PCDHGA10: variants seen among roughly 807,000 people sequenced by gnomAD.
PCDHGA10 encodes protocadherin gamma subfamily A, 10.
A neutral mutation model predicts 59.5 loss-of-function variants in PCDHGA10; 42 were observed. The ratio of observed to expected loss-of-function variants is 0.71; its 90% confidence interval spans 0.55 to 0.91. The LOEUF (loss-of-function observed/expected upper bound fraction) is 0.91, where lower values mean the gene tolerates loss of function less well. Among genes scored for constraint, PCDHGA10 ranks in the 40% least tolerant of loss-of-function variants. The probability of loss-of-function intolerance (pLI) is 0.00; values close to 1 mark genes in which losing one functional copy is unlikely to be tolerated. For synonymous variants in PCDHGA10, 511 were observed against 517.2 expected, an observed-to-expected ratio of 0.99 and a Z score of 0.16; for missense variants, 1,111 against 1,198.2, an observed-to-expected ratio of 0.93 and a Z score of 1.07.
intron 1 of PCDHGA10, among the ~76,000 whole-genome samples, chr5:141,442,784 A>C (rs1267270442): frequency 2.0e-5 from 3 of 152,212 alleles, no homozygotes; most frequent in Non-Finnish European, 4.4e-5. Flanking sequence ...ATTATATTTT[A>C]TAATTTTACT....
At chr5:141,503,607 A>G (rs141670522) in intron 2 of PCDHGA10, among the ~76,000 whole-genome samples, 63 of 151,996 alleles carry the variant, frequency 4.1e-4, no homozygotes, top group African/African-American at 1.4e-3. Flanking sequence ...TCAAAAAAAA[A>G]AAAAAAAGAA....
intron 1 of PCDHGA10, chr5:141,423,189 T>A (rs2096719374): frequency 1.2e-6 from 2 of 1,613,562 alleles, no homozygotes; most frequent in Non-Finnish European, 8.5e-7. Flanking sequence ...GCCAGCCCCC[T>A]CTCTCGGCCA....
chr5:141,495,005 CG>C (rs2099758180), intron 2 of PCDHGA10, 140 bp downstream of exon 2: 2 of 1,522,694 alleles, frequency 1.3e-6, no homozygotes, highest in African/African-American at 1.4e-5. Context: ...TCTTGGTGTG[CG>C]GGGGGCTGGC....
chr5:141,430,655 G>C (rs1309165721), intron 1 of PCDHGA10: 2 of 1,085,056 alleles, frequency 1.8e-6, no homozygotes, highest in Non-Finnish European at 2.6e-6. Flanking sequence ...TGGAAACAAC[G>C]GAGGAGCTCT....
intron 1 of PCDHGA10, chr5:141,428,594 G>T (rs1317075888): frequency 4.4e-6 from 1 of 227,916 alleles, no homozygotes; most frequent in Admixed American, 5.2e-5. Context: ...CTGGTAGCAA[G>T]CTTCACTGAA....
At position 141,497,540 on chromosome 5, in the gene PCDHGA10, C is replaced by CT. The variant is rs754207034; in HGVS notation, c.2495+2693dup. On this transcript the variant is annotated intron_variant, in intron 2 of 3. Transcript: ENST00000398610. Reference sequence around the variant, plus strand: ...TTAACTTGTGGAGGATGCAACAAACCTTTTTTTTTTTTTTTTTTAGACAGA... The same window carrying CT: ...TTAACTTGTGGAGGATGCAACAAACCTTTTTTTTTTTTTTTTTTTAGACAGA... Among the ~76,000 whole-genome samples, 618 of 134,908 alleles carry CT rather than the reference C, an allele frequency of 4.6e-3. 3 individuals carry two copies. The highest frequency in any genetic ancestry group is 0.012 in the African/African-American group (419 of 35,974). 88.5% of individuals were successfully genotyped at this position (134,908 alleles called of 152,430 possible). A position where few individuals can be genotyped will look rare whatever the true frequency, so the allele number is the denominator to read the frequency against.
At chr5:141,418,171 G>A (rs2096234086) in intron 1 of PCDHGA10, 1 of 1,613,952 alleles carries the variant, frequency 6.2e-7, no homozygotes, top group African/African-American at 1.3e-5. Flanking sequence ...GATGTGAGTT[G>A]CAATTGGAAG....
chr5:141,414,230 C>T lies in PCDHGA10; in HGVS notation c.1055C>T (p.Thr352Ile). The stretch of plus-strand genomic sequence containing the variant: ...GTAAATGACAACAGTCCAGAGCTGA[C>T]CATCACGTCTCTATTTAGTCCAGTG... ...EDVNDNSPEL[T>I]ITSLFSPVTE... The change falls in exon 1 of 4, where the codon ACC becomes ATC. Residue 352 changes from threonine (T) to isoleucine (I), a missense_variant. Physicochemically the swap from Thr to Ile is moderately conservative, Grantham distance 89. Coordinates refer to ENST00000398610, the MANE Select transcript of PCDHGA10 (RefSeq NM_018913.3). 3.1e-6 allele frequency: 5 copies of T among 1,613,308 alleles called. No individual in the cohort carries two copies. The highest frequency in any genetic ancestry group is 4.2e-6 in the Non-Finnish European group (5 of 1,179,692).
intron 1 of PCDHGA10, chr5:141,418,432 T>C (rs954268296): frequency 1.9e-6 from 3 of 1,613,838 alleles, no homozygotes; most frequent in African/African-American, 1.3e-5. Context: ...GTGGCAAATA[T>C]CCAGAATTAG....
chr5:141,443,243 C>T (rs755331096), intron 1 of PCDHGA10, among the ~76,000 whole-genome samples: 9 of 151,618 alleles, frequency 5.9e-5, no homozygotes, highest in Non-Finnish European at 1.0e-4. Flanking sequence ...CACTTTGGGG[C>T]GCCAAGGCGG....
At position 141,487,991 on chromosome 5, in the gene PCDHGA10, G is replaced by C. The variant is rs932744807; in HGVS notation, c.2437-6816G>C. ...GCTGTTTTCTCTACTCTTCCTGAAA[G>C]AGGGGATCAGATTCTGAAGTACCTT... On this transcript the variant is annotated intron_variant, in intron 1 of 3. Coordinates refer to ENST00000398610, the MANE Select transcript of PCDHGA10 (RefSeq NM_018913.3). The surrounding 1 kb of genome is among the most constrained non-coding windows in gnomAD (Gnocchi z 5.0). 2.6e-5 allele frequency among the ~76,000 whole-genome samples: 4 copies of C among 152,194 alleles called. No homozygotes were observed. The highest frequency in any genetic ancestry group is 4.4e-5 in the Non-Finnish European group (3 of 68,030).
At position 141,493,887 on chromosome 5, in the gene PCDHGA10, G is replaced by C. The variant is rs760575047; in HGVS notation, c.2437-920G>C. On this transcript the variant is annotated intron_variant, in intron 1 of 3. Transcript: ENST00000398610. This position sits in a 1 kb window ranked among gnomAD's most constrained non-coding sequence, Gnocchi z 4.3. Reference sequence around the variant, plus strand: ...AGAACCAGTGAGGAGGTGGCTCTAGGAGTGCTCCATGAGAGTGTGTGATGG... The same window carrying C: ...AGAACCAGTGAGGAGGTGGCTCTAGCAGTGCTCCATGAGAGTGTGTGATGG... Among the ~76,000 whole-genome samples, 11 of 152,184 alleles carry C rather than the reference G, an allele frequency of 7.2e-5. No homozygotes were observed. Among genetic ancestry groups the C allele is most frequent in the Non-Finnish European group, 1.2e-4 (8 of 68,026 alleles).
chr5:141,487,751 G>A lies in PCDHGA10; in HGVS notation c.2437-7056G>A. ...CACCATTTTTGTAAGAGGTAACTAT[G>A]TGGTAGACGCTGTGCTTTGTAACTG... On this transcript the variant is annotated intron_variant, in intron 1 of 3. Coordinates refer to ENST00000398610, the MANE Select transcript of PCDHGA10 (RefSeq NM_018913.3). This position sits in a 1 kb window ranked among gnomAD's most constrained non-coding sequence, Gnocchi z 5.0. 1 of 1,555,004 alleles carries A rather than the reference G, an allele frequency of 6.4e-7. No homozygotes were observed.
At position 141,415,157 on chromosome 5, in the gene PCDHGA10, C is replaced by T; in HGVS notation, c.1982C>T (p.Thr661Ile). Reference protein sequence around the residue: ...QDHGQPPLSATVTLTVAVADS... With the variant: ...QDHGQPPLSAIVTLTVAVADS... ...CACGGCCAGCCCCCTCTCTCCGCCACTGTCACGCTCACCGTGGCCGTGGCC... is the reference window on the plus strand; with the variant it reads ...CACGGCCAGCCCCCTCTCTCCGCCATTGTCACGCTCACCGTGGCCGTGGCC... The change falls in exon 1 of 4, where the codon ACT (threonine) becomes ATT (isoleucine). Residue 661 changes from threonine to isoleucine, a missense_variant. Thr to Ile is a moderately conservative substitution (Grantham distance 89). Transcript: ENST00000398610. 1 of 1,613,864 alleles carries T rather than the reference C, an allele frequency of 6.2e-7. No homozygotes were observed. The highest frequency in any genetic ancestry group is 8.5e-7 in the Non-Finnish European group (1 of 1,180,018).
rs909444391 is a variant in PCDHGA10 at position 141,450,834 on chromosome 5, T to A, written c.2436+35223T>A. On this transcript the variant is annotated intron_variant, in intron 1 of 3. Transcript: ENST00000398610. ...TATTTAATATTATTATTATTATTTT[T>A]TTTTTTTTGAGATGGGGTCTTGCTC... is the stretch of plus-strand genomic sequence containing the variant. 1.2e-3 allele frequency among the ~76,000 whole-genome samples: 172 copies of A among 148,764 alleles called. 3 individuals are homozygous for A. The highest frequency in any genetic ancestry group is 4.1e-3 in the African/African-American group (166 of 40,236).
chr5:141,451,256 A>T (rs376288655), intron 1 of PCDHGA10, among the ~76,000 whole-genome samples: 1 of 152,212 alleles, frequency 6.6e-6, no homozygotes, highest in African/African-American at 2.4e-5. Context: ...GTGGATCAGG[A>T]CTGGGTATAG....
At chr5:141,469,790 T>G (rs956670031) in intron 1 of PCDHGA10, among the ~76,000 whole-genome samples, 2 of 152,224 alleles carry the variant, frequency 1.3e-5, no homozygotes, top group African/African-American at 4.8e-5. Context: ...GCGTTATTTG[T>G]AATTGCAAAA....
chr5:141,414,330 G>T lies in PCDHGA10; in HGVS notation c.1155G>T (p.Gln385His). 6.2e-7 allele frequency: 1 copy of T among 1,613,714 alleles called. No homozygotes were observed. The highest frequency in any genetic ancestry group is 8.5e-7 in the Non-Finnish European group (1 of 1,179,744). Residue 385 changes from glutamine to histidine, a missense_variant, in exon 1 of 4, where the codon CAG (glutamine) becomes CAT (histidine). Coordinates refer to ENST00000398610, the MANE Select transcript of PCDHGA10 (RefSeq NM_018913.3). ...ATTTAGACTCTGAGCAGAATGGACAGGTAACCTGTTCCATTTTGGCGTATC... is the reference window on the plus strand; with the variant it reads ...ATTTAGACTCTGAGCAGAATGGACATGTAACCTGTTCCATTTTGGCGTATC... ...VHDLDSEQNG[Q>H]VTCSILAYLP...
At position 141,419,408 on chromosome 5, in the gene PCDHGA10, C is replaced by T. The variant is rs534591654; in HGVS notation, c.2436+3797C>T. On this transcript the variant is annotated intron_variant, in intron 1 of 3. Coordinates refer to ENST00000398610, the MANE Select transcript of PCDHGA10 (RefSeq NM_018913.3). ...CGCGCAGAGCGGGGTGGTGTTCGCG[C>T]AGCGCGCCTTCGACCACGAGCAGCT... 6.2e-6 allele frequency: 10 copies of T among 1,613,508 alleles called. No individual in the cohort carries two copies. The African/African-American group carries it at 1.3e-4, about 21-fold the overall frequency.
Sources: allele counts gnomAD v4.1 joint callset (sites outside exome capture counted in the v4.1 genomes callset), GRCh38; gene constraint gnomAD v4.1.1; non-coding constraint Gnocchi (gnomAD v3.1); transcripts MANE v1.5; gene names NCBI Gene and HGNC (gene_info 2026-07-23, HGNC 2026-07-21).